Variants in EXOC4 observed in about 807,000 individuals in gnomAD.
EXOC4 encodes the protein exocyst complex component 4, also known as SEC8-like 1.
In EXOC4, 71 loss-of-function variants were observed where a neutral mutation model predicts 107.2. The observed-to-expected ratio is 0.66, with a 90% CI of 0.55 to 0.81. The LOEUF is 0.81. Ranked by LOEUF, EXOC4 falls within the 30% of genes least tolerant of loss-of-function variation. EXOC4 has a pLI of 0.00. For synonymous variants in EXOC4, 456 were observed against 441.2 expected, an observed-to-expected ratio of 1.03 and a Z score of -0.42; for missense variants, 1,108 against 1,189.6, an observed-to-expected ratio of 0.93 and a Z score of 1.01.
At chr7:134,059,535 A>G (rs773348524) in intron 17 of EXOC4, among the ~76,000 whole-genome samples, 2 of 152,200 alleles carry the variant, frequency 1.3e-5, no homozygotes, top group Admixed American at 6.5e-5. Context: ...GATGCTGCCC[A>G]TATGTTGTTG....
rs183473432 is a variant in EXOC4, at chr7:133,626,869, C to T, written c.1418-3176C>T. On this transcript the variant is annotated intron_variant, in intron 9 of 17. Transcript: ENST00000253861. The stretch of plus-strand genomic sequence containing the variant: ...TTATTAAGCACACCTACTCCCTATA[C>T]AGCTTTGAGGATACAGGGAGATTTG... Among the ~76,000 whole-genome samples the T allele has an allele frequency of 1.8e-3, 267 of 152,272 alleles. 1 individual carries two copies. Among genetic ancestry groups the T allele is most frequent in the Non-Finnish European group, 3.2e-3 (218 of 68,016 alleles).
intron 11 of EXOC4, among the ~76,000 whole-genome samples, chr7:133,837,841 C>T (rs900308399): frequency 6.6e-6 from 1 of 152,128 alleles, no homozygotes; most frequent in African/African-American, 2.4e-5. Context: ...TAAGGTAAAA[C>T]TTCCTAACTC....
intron 7 of EXOC4, among the ~76,000 whole-genome samples, chr7:133,448,175 G>A (rs149916471): frequency 6.6e-6 from 1 of 152,190 alleles, no homozygotes; most frequent in African/African-American, 2.4e-5. Context: ...TTGCCCTTGG[G>A]CTGTGGAGTG....
At chr7:133,606,523 T>C (rs531448175) in intron 9 of EXOC4, among the ~76,000 whole-genome samples, 2 of 142,458 alleles carry the variant, frequency 1.4e-5, no homozygotes, top group East Asian at 3.9e-4. Flanking sequence ...TATTATTTTT[T>C]TTTTTTTTTG....
intron 13 of EXOC4, among the ~76,000 whole-genome samples, chr7:133,923,540 A>T (rs944457653): frequency 6.6e-6 from 1 of 152,114 alleles, no homozygotes; most frequent in Non-Finnish European, 1.5e-5. Context: ...ACACGTATTT[A>T]TTGGCCATTT....
chr7:134,029,896 C>T (rs1468980446), intron 17 of EXOC4, among the ~76,000 whole-genome samples: 2 of 152,160 alleles, frequency 1.3e-5, no homozygotes, highest in African/African-American at 4.8e-5. Flanking sequence ...AGCTTCTCTC[C>T]ACTGCTTTCT....
intron 17 of EXOC4, among the ~76,000 whole-genome samples, chr7:134,043,031 A>G (rs1585346403): frequency 6.6e-6 from 1 of 151,834 alleles, no homozygotes; most frequent in South Asian, 2.1e-4. Context: ...ACAGATTAAG[A>G]CTCCGTCTCA....
intron 13 of EXOC4, among the ~76,000 whole-genome samples, chr7:133,925,936 G>A (rs1800040409): frequency 1.3e-5 from 2 of 151,728 alleles, no homozygotes; most frequent in Admixed American, 6.6e-5. Flanking sequence ...CTACTCAGGA[G>A]GCTGAGGCAG....
intron 10 of EXOC4, among the ~76,000 whole-genome samples, chr7:133,723,273 C>T (rs541405502): frequency 1.5e-3 from 229 of 152,290 alleles, no homozygotes; most frequent in African/African-American, 4.9e-3. Flanking sequence ...CACTAGCTGG[C>T]GCCTTTGGGC....
chr7:133,650,923 A>G (rs1185162556), intron 10 of EXOC4, among the ~76,000 whole-genome samples: 2 of 130,788 alleles, frequency 1.5e-5, no homozygotes, highest in Non-Finnish European at 3.2e-5. Flanking sequence ...CTTAGTACAT[A>G]CTGAGATTGG....
chr7:133,583,760 A>G (rs1801333100), intron 9 of EXOC4, among the ~76,000 whole-genome samples: 1 of 152,224 alleles, frequency 6.6e-6, no homozygotes, highest in African/African-American at 2.4e-5. Flanking sequence ...TATCACCATT[A>G]TCCTGAAGGC....
chr7:133,803,531 A>T (rs985452165), intron 10 of EXOC4, among the ~76,000 whole-genome samples: 1 of 152,196 alleles, frequency 6.6e-6, no homozygotes, highest in Non-Finnish European at 1.5e-5. Context: ...ATCCAAAAGA[A>T]TATCAGTTCT....
At chr7:133,371,378 C>T (rs892499802) in intron 6 of EXOC4, among the ~76,000 whole-genome samples, 3 of 152,138 alleles carry the variant, frequency 2.0e-5, no homozygotes, top group Non-Finnish European at 4.4e-5. Context: ...AAACAAATCC[C>T]GTATACTTAT....
intron 13 of EXOC4, 59 bp from the exon 14 acceptor site, chr7:133,937,832 G>T: frequency 1.3e-6 from 2 of 1,555,732 alleles, no homozygotes; most frequent in Non-Finnish European, 1.8e-6. Flanking sequence ...AAACAGTGTT[G>T]CCCGGTCCTA....
Position 133,610,347 on chromosome 7 carries a change from A to C in EXOC4, c.1418-19698A>C, listed in dbSNP as rs143161548. Among the ~76,000 whole-genome samples, 4 of 152,348 alleles carry C rather than the reference A, an allele frequency of 2.6e-5. No individual in the cohort carries two copies. The East Asian group carries it at 7.7e-4, about 29-fold the overall frequency. ...AAGTGGACTTTCAGCTTTTCTTAGG[A>C]AAAACAAACAAAAGACTGAAGTTTC... is the stretch of plus-strand genomic sequence containing the variant. On this transcript the variant is annotated intron_variant, in intron 9 of 17. Coordinates refer to ENST00000253861, the MANE Select transcript of EXOC4 (RefSeq NM_021807.4).
chr7:133,786,228 G>A (rs747608545), intron 10 of EXOC4, among the ~76,000 whole-genome samples: 15 of 152,142 alleles, frequency 9.9e-5, no homozygotes, highest in Non-Finnish European at 1.8e-4. Flanking sequence ...AGCAGGAGTC[G>A]TCTGCAAATC....
intron 9 of EXOC4, among the ~76,000 whole-genome samples, chr7:133,608,546 CTTTTTTTTTT>C (rs1161155238): frequency 1.1e-4 from 9 of 85,026 alleles, no homozygotes; most frequent in African/African-American, 2.3e-4. Context: ...TGCTGTATTT[CTTTTTTTTTT>C]TTTTTTTTTT....
intron 7 of EXOC4, among the ~76,000 whole-genome samples, chr7:133,451,843 T>C (rs1325899757): frequency 1.3e-5 from 2 of 152,172 alleles, no homozygotes; most frequent in African/African-American, 4.8e-5. Flanking sequence ...CCATAGCTAA[T>C]TGATATGATG....
intron 7 of EXOC4, among the ~76,000 whole-genome samples, chr7:133,463,096 A>T (rs899215907): frequency 2.0e-5 from 3 of 152,302 alleles, no homozygotes; most frequent in Non-Finnish European, 4.4e-5. Context: ...TGCATGAAAG[A>T]TAATGAGGAC....
Sources: gnomAD v4.1 joint callset for allele counts (sites outside exome capture counted in the v4.1 genomes callset) on GRCh38, gnomAD v4.1.1 for gene constraint, MANE v1.5 for transcripts, NCBI Gene and HGNC (gene_info 2026-07-23, HGNC 2026-07-21) for gene names.